Variants in CSMD3 observed in about 807,000 individuals in gnomAD.
CSMD3 encodes CUB and Sushi multiple domains 3.
In CSMD3, 177 loss-of-function variants were observed where a neutral mutation model predicts 435.2. The ratio of observed to expected loss-of-function variants is 0.41; its 90% CI spans 0.36 to 0.46. CSMD3 has a LOEUF of 0.46. Ranked by LOEUF, CSMD3 falls within the 20% of genes least tolerant of loss-of-function variation. The pLI is 0.34. For synonymous variants in CSMD3, 1,656 were observed against 1,520.5 expected (o/e 1.09, Z -2.07); for missense variants, 4,265 against 4,504.6 (o/e 0.95, Z 1.52).
intron 13 of CSMD3, among the ~76,000 whole-genome samples, chr8:112,704,308 A>T (rs181885020): frequency 7.8e-4 from 118 of 152,224 alleles, no homozygotes; most frequent in Non-Finnish European, 1.4e-3. Flanking sequence ...AACAGAATTC[A>T]GAACTCTTTA....
At chr8:113,342,744 T>C (rs1042260658) in intron 1 of CSMD3, among the ~76,000 whole-genome samples, 1 of 152,156 alleles carries the variant, frequency 6.6e-6, no homozygotes, top group Non-Finnish European at 1.5e-5. Context: ...TCACTCACAA[T>C]GTATGACATA....
At chr8:112,837,008 C>T (rs1161911495) in intron 11 of CSMD3, among the ~76,000 whole-genome samples, 2 of 151,626 alleles carry the variant, frequency 1.3e-5, no homozygotes, top group East Asian at 1.9e-4. Flanking sequence ...AAATATTTTC[C>T]GTGCATCCCA....
At chr8:112,470,820 G>A (rs1818446008) in intron 32 of CSMD3, among the ~76,000 whole-genome samples, 1 of 151,872 alleles carries the variant, frequency 6.6e-6, no homozygotes, top group South Asian at 2.1e-4. Context: ...AACTTAAAAT[G>A]AAGAATGATG....
intron 17 of CSMD3, among the ~76,000 whole-genome samples, chr8:112,665,672 G>C (rs1417828559): frequency 1.3e-5 from 2 of 152,084 alleles, no homozygotes; most frequent in Non-Finnish European, 2.9e-5. Context: ...AATCTATTTT[G>C]ATTTGTAAGT....
chr8:112,443,727 C>T (rs2130527716), intron 32 of CSMD3, among the ~76,000 whole-genome samples: 1 of 152,152 alleles, frequency 6.6e-6, no homozygotes, highest in East Asian at 1.9e-4. Context: ...GAATGAGCTT[C>T]ATTAAGGACA....
intron 5 of CSMD3, among the ~76,000 whole-genome samples, chr8:113,039,528 G>T (rs1466753858): frequency 6.6e-6 from 1 of 151,876 alleles, no homozygotes; most frequent in Non-Finnish European, 1.5e-5. Context: ...ATTAATTATG[G>T]GATTGTCCCC....
At chr8:112,603,148 G>T (rs571829138) in intron 22 of CSMD3, among the ~76,000 whole-genome samples, 1 of 152,316 alleles carries the variant, frequency 6.6e-6, no homozygotes, top group East Asian at 1.9e-4. Flanking sequence ...AAAGTGTCGG[G>T]ATTGCAGGCG....
intron 7 of CSMD3, among the ~76,000 whole-genome samples, chr8:112,966,022 CAA>C (rs2084402459): frequency 6.6e-6 from 1 of 151,464 alleles, no homozygotes; most frequent in African/African-American, 2.4e-5. Context: ...TAGGGAAAGT[CAA>C]GAGAACAATG....
At chr8:112,830,186 T>A (rs1032611747) in intron 11 of CSMD3, among the ~76,000 whole-genome samples, 6 of 152,184 alleles carry the variant, frequency 3.9e-5, no homozygotes, top group African/African-American at 1.4e-4. Context: ...CATATTTGCA[T>A]ATATATTTTA....
chr8:113,046,897 T>C (rs2087860347), intron 5 of CSMD3, among the ~76,000 whole-genome samples: 1 of 152,178 alleles, frequency 6.6e-6, no homozygotes, highest in Admixed American at 6.5e-5. Context: ...AAGAGGGACA[T>C]GATGCTAAGC....
At chr8:112,446,073 T>A (rs1815571613) in intron 32 of CSMD3, among the ~76,000 whole-genome samples, 1 of 152,182 alleles carries the variant, frequency 6.6e-6, no homozygotes, top group South Asian at 2.1e-4. Context: ...TATTCTTGAG[T>A]CAACTGAGAC....
chr8:113,047,524 T>G (rs1336139384), intron 5 of CSMD3, among the ~76,000 whole-genome samples: 4 of 152,252 alleles, frequency 2.6e-5, no homozygotes, highest in Non-Finnish European at 5.9e-5. Context: ...TCTTCCTCTA[T>G]TTTTGAATTT....
intron 12 of CSMD3, among the ~76,000 whole-genome samples, chr8:112,824,204 A>G (rs1193579117): frequency 1.3e-5 from 2 of 151,926 alleles, no homozygotes; most frequent in Non-Finnish European, 2.9e-5. Context: ...GTCTTTGCAC[A>G]TAAGATGGGT....
chr8:112,713,555 A>G (rs1050659603), intron 13 of CSMD3, among the ~76,000 whole-genome samples: 2 of 152,062 alleles, frequency 1.3e-5, no homozygotes, highest in African/African-American at 4.8e-5. Flanking sequence ...GCTAACATTC[A>G]AATTCAGGAA....
chr8:113,299,749 C>T (rs1222793350), intron 2 of CSMD3, among the ~76,000 whole-genome samples: 1 of 152,102 alleles, frequency 6.6e-6, no homozygotes, highest in Non-Finnish European at 1.5e-5. Context: ...AATCCTAGAA[C>T]TTTGTGAAGC....
chr8:113,117,028 A>C (rs900743087), intron 4 of CSMD3, among the ~76,000 whole-genome samples: 1 of 152,226 alleles, frequency 6.6e-6, no homozygotes, highest in Non-Finnish European at 1.5e-5. Flanking sequence ...GTGTGACAGA[A>C]AAGAAAGACC....
chr8:112,835,856 A>T (rs1176092204), intron 11 of CSMD3, among the ~76,000 whole-genome samples: 2 of 151,844 alleles, frequency 1.3e-5, no homozygotes, highest in Non-Finnish European at 2.9e-5. Context: ...ATTCTATTAC[A>T]TTCCAAGCTT....
At chr8:113,000,443 C>G (rs1431796938) in intron 6 of CSMD3, among the ~76,000 whole-genome samples, 2 of 151,950 alleles carry the variant, frequency 1.3e-5, no homozygotes, top group African/African-American at 4.8e-5. Flanking sequence ...CAAAATCACT[C>G]TCTTCTAGAG....
At chr8:112,380,568 A>G in intron 37 of CSMD3, 112 bp from the exon 38 acceptor site, 1 of 670,196 alleles carries the variant, frequency 1.5e-6, no homozygotes. Flanking sequence ...TGCATTATTC[A>G]AGTTGTTTTT....
Sources: gnomAD v4.1 joint callset for allele counts (sites outside exome capture counted in the v4.1 genomes callset) on GRCh38, gnomAD v4.1.1 for gene constraint, MANE v1.5 for transcripts, NCBI Gene and HGNC (gene_info 2026-07-23, HGNC 2026-07-21) for gene names.